ZBTB44: variants seen among roughly 807,000 people sequenced by gnomAD.
ZBTB44 encodes zinc finger and BTB domain-containing protein 44.
Under a neutral mutation model 54.0 loss-of-function variants are expected in ZBTB44, and 15 were observed. The ratio of observed to expected loss-of-function variants is 0.28; its 90% CI spans 0.19 to 0.43. ZBTB44 has a LOEUF of 0.43. ZBTB44 is among the 20% of genes least tolerant of loss of function. The pLI is 1.00. For missense variants in ZBTB44, 487 were observed against 707.1 expected (o/e 0.69, Z 3.53); for synonymous variants, 230 against 250.1 (o/e 0.92, Z 0.76).
rs148056941 is a variant in ZBTB44 at position 130,293,596 on chromosome 11, A to G, written c.-57+20779T>C. Among the ~76,000 whole-genome samples, 43 of 150,814 alleles carry G rather than the reference A, an allele frequency of 2.9e-4. No homozygotes were observed. In the East Asian group the frequency reaches 8.1e-3, roughly 29 times the overall value. The stretch of plus-strand genomic sequence containing the variant: ...GGAGTTTGAGACCAGCCTGGCCAAC[A>G]TGATGAAACTCCATCTCTACTTAAA... On this transcript the variant is annotated intron_variant, in intron 1 of 7. Transcript: ENST00000357899.
intron 1 of ZBTB44, among the ~76,000 whole-genome samples, chr11:130,294,527 G>T (rs1287235862): frequency 1.8e-5 from 2 of 113,284 alleles, no homozygotes; most frequent in East Asian, 2.7e-4. Flanking sequence ...TTACACAAAG[G>T]TCTATATGAC....
At chr11:130,233,585 A>G (rs1196828027) in intron 6 of ZBTB44, 1 of 1,383,346 alleles carries the variant, frequency 7.2e-7, no homozygotes, top group Non-Finnish European at 9.3e-7. Flanking sequence ...AGCAGTAAGT[A>G]TCTACTCAGG....
rs1283189098 is a variant in ZBTB44 at position 130,231,082 on chromosome 11, G to C, written c.*682C>G. 1 of 152,050 alleles carries C rather than the reference G, an allele frequency of 6.6e-6. No individual in the cohort carries two copies. Among genetic ancestry groups the C allele is most frequent in the Non-Finnish European group, 1.5e-5 (1 of 67,958 alleles). 9.4% of individuals were successfully genotyped at this position (152,050 alleles called of 1,614,324 possible). A position where few individuals can be genotyped will look rare whatever the true frequency, so the allele number is the denominator to read the frequency against. On this transcript the variant is annotated 3_prime_UTR_variant, in exon 8 of 8. Coordinates refer to ENST00000357899, the MANE Select transcript of ZBTB44 (RefSeq NM_001301098.2). ...GGAATATTTATGTTTAGTTACACTG[G>C]TAATTTCTAATGAATGGGATAATAT...
chr11:130,281,505 G>C (rs552104825), intron 1 of ZBTB44, among the ~76,000 whole-genome samples: 4 of 147,878 alleles, frequency 2.7e-5, no homozygotes, highest in Non-Finnish European at 4.5e-5. Context: ...GGGCAACAGA[G>C]ACCCTGTCTC....
chr11:130,280,682 T>C (rs914825970), intron 1 of ZBTB44, among the ~76,000 whole-genome samples: 29 of 152,192 alleles, frequency 1.9e-4, no homozygotes, highest in Admixed American at 3.3e-4. Flanking sequence ...AACACAAAAA[T>C]TGGTAACAGA....
At chr11:130,235,396 G>A (rs1438316133) in intron 5 of ZBTB44, among the ~76,000 whole-genome samples, 3 of 152,200 alleles carry the variant, frequency 2.0e-5, no homozygotes, top group Non-Finnish European at 2.9e-5. Context: ...CTAAGGTTTA[G>A]TGATATGGCA....
intron 3 of ZBTB44, 61 bp from the exon 4 acceptor site, chr11:130,238,668 C>T: frequency 7.1e-7 from 1 of 1,417,874 alleles, no homozygotes; most frequent in Non-Finnish European, 9.3e-7. Flanking sequence ...ATAAACACTG[C>T]TATAGGTCAA....
chr11:130,255,954 G>C (rs1938412611), intron 2 of ZBTB44, among the ~76,000 whole-genome samples: 1 of 139,434 alleles, frequency 7.2e-6, no homozygotes, highest in African/African-American at 2.7e-5. Flanking sequence ...TCCTGAAATA[G>C]CCTACCAACC....
chr11:130,227,028 CAT>C lies in ZBTB44; in HGVS notation c.*4734_*4735del. 1 of 151,954 alleles carries C rather than the reference CAT, an allele frequency of 6.6e-6. No individual in the cohort carries two copies. The highest frequency in any genetic ancestry group is 1.9e-4 in the East Asian group (1 of 5,188). The allele number at this position is 151,954 out of a possible 1,614,324, so 9.4% of individuals were successfully genotyped here. ...TAGGCTCAGAACAGATTTGAAAAAA[CAT>C]GATATTCACATTGATTACAATAACC... On this transcript the variant is annotated 3_prime_UTR_variant, in exon 8 of 8. Coordinates refer to ENST00000357899, the MANE Select transcript of ZBTB44 (RefSeq NM_001301098.2).
chr11:130,247,886 C>T (rs111622343), intron 2 of ZBTB44, among the ~76,000 whole-genome samples: 1,967 of 152,272 alleles, frequency 0.013, 47 homozygotes, highest in African/African-American at 0.045. Flanking sequence ...CAAGGCCCAA[C>T]CTAAAACCAG....
intron 1 of ZBTB44, among the ~76,000 whole-genome samples, chr11:130,265,474 C>G (rs1232712563): frequency 6.6e-6 from 1 of 152,174 alleles, no homozygotes; most frequent in East Asian, 1.9e-4. Context: ...ATCCACCCGC[C>G]TCATGTTTTT....
intron 1 of ZBTB44, among the ~76,000 whole-genome samples, chr11:130,287,087 C>A (rs1366974383): frequency 1.3e-5 from 2 of 152,168 alleles, no homozygotes; most frequent in African/African-American, 4.8e-5. Context: ...TGTCTGAAAA[C>A]AAACTCAAAT....
intron 1 of ZBTB44, among the ~76,000 whole-genome samples, chr11:130,275,289 G>A (rs1939973122): frequency 6.6e-6 from 1 of 152,050 alleles, no homozygotes; most frequent in Non-Finnish European, 1.5e-5. Flanking sequence ...CATACCGTGA[G>A]TGTTTGTAAT....
At chr11:130,249,170 G>A (rs1415643055) in intron 2 of ZBTB44, among the ~76,000 whole-genome samples, 1 of 152,114 alleles carries the variant, frequency 6.6e-6, no homozygotes, top group South Asian at 2.1e-4. Context: ...AGTGGTAAAG[G>A]ATGACTATTT....
At chr11:130,275,927 T>C (rs1324805466) in intron 1 of ZBTB44, among the ~76,000 whole-genome samples, 2 of 149,202 alleles carry the variant, frequency 1.3e-5, no homozygotes. Flanking sequence ...CGCCAGGTCA[T>C]TTGCATTAAA....
intron 7 of ZBTB44, chr11:130,233,015 G>GA (rs931632488): frequency 0.036 from 8,511 of 235,384 alleles, 12 homozygotes; most frequent in East Asian, 0.045. Context: ...TAAAAAAAAA[G>GA]AAAAAAAAAA....
chr11:130,245,568 T>A (rs1044611952), intron 2 of ZBTB44, among the ~76,000 whole-genome samples: 4 of 151,550 alleles, frequency 2.6e-5, no homozygotes, highest in African/African-American at 9.7e-5. Context: ...ACGCCTGGAG[T>A]TGTGATAAGG....
chr11:130,309,712 T>C lies in ZBTB44; in HGVS notation c.-57+4663A>G, dbSNP rs1942477954. On this transcript the variant is annotated intron_variant, in intron 1 of 7. Coordinates refer to ENST00000357899, the MANE Select transcript of ZBTB44 (RefSeq NM_001301098.2). ...GAGCTCGAGACCAGCCTGGACAACA[T>C]GGTGAAACCCCATCTCTACTAATAC... Among the ~76,000 whole-genome samples the C allele has an allele frequency of 2.6e-5, 4 of 151,782 alleles. No individual in the cohort carries two copies. In the South Asian group the frequency reaches 6.2e-4, roughly 24 times the overall value.
chr11:130,257,796 T>A (rs1938561714), intron 2 of ZBTB44, among the ~76,000 whole-genome samples: 1 of 152,214 alleles, frequency 6.6e-6, no homozygotes, highest in Non-Finnish European at 1.5e-5. Context: ...TATTCACTAG[T>A]GGCTTTTCTT....
Sources: gnomAD v4.1 joint callset for allele counts (sites outside exome capture counted in the v4.1 genomes callset) on GRCh38, gnomAD v4.1.1 for gene constraint, MANE v1.5 for transcripts, NCBI Gene and HGNC (gene_info 2026-07-23, HGNC 2026-07-21) for gene names.